The following LRRN2 variants were observed in gnomAD, a reference collection of about 807,000 sequenced individuals.
LRRN2 encodes leucine-rich repeat neuronal protein 2.
A neutral mutation model predicts 35.7 loss-of-function variants in LRRN2; 10 were observed. That is an observed-to-expected ratio of 0.28 (90% confidence interval 0.17 to 0.47). The LOEUF (loss-of-function observed/expected upper bound fraction) is 0.47. Ranked by LOEUF, LRRN2 falls within the 20% of genes least tolerant of loss-of-function variation. The pLI, the probability that LRRN2 is intolerant of heterozygous loss-of-function variation, is 0.99. For missense variants in LRRN2, 731 were observed against 940.3 expected, an observed-to-expected ratio of 0.78 and a Z score of 2.91; for synonymous variants, 391 against 409.6, an observed-to-expected ratio of 0.95 and a Z score of 0.55.
intron 1 of LRRN2, among the ~76,000 whole-genome samples, chr1:204,685,058 G>A (rs1286285815): frequency 6.6e-6 from 1 of 152,148 alleles, no homozygotes; most frequent in African/African-American, 2.4e-5. Context: ...CCAGCCCTCC[G>A]TCCCTCTGCC....
intron 1 of LRRN2, among the ~76,000 whole-genome samples, chr1:204,649,335 G>A (rs1668174879): frequency 6.6e-6 from 1 of 152,190 alleles, no homozygotes; most frequent in Admixed American, 6.5e-5. Context: ...AGAGGGCAGG[G>A]ATAGGTCTTA....
intron 1 of LRRN2, among the ~76,000 whole-genome samples, chr1:204,671,946 G>C (rs1668724285): frequency 6.6e-6 from 1 of 152,222 alleles, no homozygotes. Flanking sequence ...GTCTGGGGTA[G>C]AAGAAGCTGT....
At chr1:204,642,356 T>C (rs1337414083) in intron 1 of LRRN2, among the ~76,000 whole-genome samples, 1 of 152,154 alleles carries the variant, frequency 6.6e-6, no homozygotes, top group Non-Finnish European at 1.5e-5. Flanking sequence ...TTTTCTGTCT[T>C]CTCCAGCTTG....
intron 1 of LRRN2, among the ~76,000 whole-genome samples, chr1:204,663,010 C>T (rs183094674): frequency 2.6e-5 from 4 of 152,300 alleles, no homozygotes; most frequent in African/African-American, 7.2e-5. Context: ...GACATGGAGA[C>T]CAGAACTCAT....
At chr1:204,623,285 C>T (rs1667056733) in intron 1 of LRRN2, among the ~76,000 whole-genome samples, 1 of 152,224 alleles carries the variant, frequency 6.6e-6, no homozygotes, top group East Asian at 1.9e-4. Flanking sequence ...TGCTCAACTG[C>T]ACTGAGGGGA....
intron 1 of LRRN2, among the ~76,000 whole-genome samples, chr1:204,669,267 G>A (rs1466910038): frequency 6.6e-6 from 1 of 152,244 alleles, no homozygotes; most frequent in Admixed American, 6.5e-5. Context: ...GGGAGCAGGA[G>A]TATGGTCTTC....
rs72072762 is a variant in LRRN2, at chr1:204,660,552, GACAC to G, written c.-227+24764_-227+24767del. Among the ~76,000 whole-genome samples the G allele has an allele frequency of 6.8e-3, 968 of 143,286 alleles. 27 individuals are homozygous for G. In the East Asian group the frequency reaches 0.1, roughly 15 times the overall value. 94.0% of individuals were successfully genotyped at this position (143,286 alleles called of 152,430 possible). ...TTCTCCCTTCTCCCCGCCTTACACAGACACACACACACACACACACACACACACT... is the reference window on the plus strand; with the variant it reads ...TTCTCCCTTCTCCCCGCCTTACACAGACACACACACACACACACACACACT... On this transcript the variant is annotated intron_variant, in intron 1 of 1. Coordinates refer to ENST00000367177, the MANE Select transcript of LRRN2 (RefSeq NM_201630.2).
intron 1 of LRRN2, among the ~76,000 whole-genome samples, chr1:204,624,690 A>G (rs560095385): frequency 1.5e-4 from 23 of 149,446 alleles, no homozygotes; most frequent in African/African-American, 5.4e-4. Flanking sequence ...CCTGCCTGGT[A>G]TTGGTGGATG....
At chr1:204,683,731 G>T (rs1669003871) in intron 1 of LRRN2, among the ~76,000 whole-genome samples, 1 of 152,116 alleles carries the variant, frequency 6.6e-6, no homozygotes, top group South Asian at 2.1e-4. Flanking sequence ...AAATAATGAG[G>T]ACCCATCCCA....
chr1:204,626,384 C>T (rs554792868), intron 1 of LRRN2, among the ~76,000 whole-genome samples: 2 of 152,206 alleles, frequency 1.3e-5, no homozygotes, highest in South Asian at 4.2e-4. Flanking sequence ...CCACACTTCC[C>T]CTGACTGCCT....
In LRRN2 at chr1:204,655,010, G is replaced by T. The variant is rs375482129; in HGVS notation, c.-227+30310C>A. ...GGACTACCAGTAGCTGGGGAGCTGT[G>T]GTCTGAGTGTAGCTGTTCTGAAACT... On this transcript the variant is annotated intron_variant, in intron 1 of 1. Coordinates refer to ENST00000367177, the MANE Select transcript of LRRN2 (RefSeq NM_201630.2). 5.3e-5 allele frequency among the ~76,000 whole-genome samples: 8 copies of T among 152,328 alleles called. No individual in the cohort carries two copies. The South Asian group carries it at 1.5e-3, about 28-fold the overall frequency.
intron 1 of LRRN2, among the ~76,000 whole-genome samples, chr1:204,643,278 C>A (rs1350693927): frequency 6.6e-6 from 1 of 152,176 alleles, no homozygotes; most frequent in Non-Finnish European, 1.5e-5. Flanking sequence ...AATCTGAAGT[C>A]CTCAGTTGGA....
intron 1 of LRRN2, among the ~76,000 whole-genome samples, chr1:204,633,901 C>A (rs564273525): frequency 5.9e-4 from 90 of 152,324 alleles, no homozygotes; most frequent in Non-Finnish European, 1.1e-3. Context: ...AAGAGAACGC[C>A]CTTTCCAATC....
intron 1 of LRRN2, among the ~76,000 whole-genome samples, chr1:204,661,772 G>A (rs550513486): frequency 3.3e-5 from 5 of 152,340 alleles, no homozygotes; most frequent in Admixed American, 1.3e-4. Context: ...CATAGAGAAA[G>A]TACGGTGAGG....
At chr1:204,630,530 C>T (rs546986696) in intron 1 of LRRN2, among the ~76,000 whole-genome samples, 19 of 152,110 alleles carry the variant, frequency 1.2e-4, no homozygotes, top group Admixed American at 3.3e-4. Flanking sequence ...AGTCACGCCG[C>T]GGAAGGAGTC....
intron 1 of LRRN2, among the ~76,000 whole-genome samples, chr1:204,669,763 T>C (rs1231498033): frequency 1.3e-5 from 2 of 152,048 alleles, no homozygotes; most frequent in Admixed American, 6.5e-5. Context: ...AAGGCCAGGG[T>C]GCAGAGTGCA....
intron 1 of LRRN2, among the ~76,000 whole-genome samples, chr1:204,667,528 C>A (rs768723743): frequency 6.6e-6 from 1 of 152,196 alleles, no homozygotes; most frequent in East Asian, 1.9e-4. Flanking sequence ...CTACTACATG[C>A]GGGACACTGG....
At chr1:204,631,460 G>A (rs891288266) in intron 1 of LRRN2, among the ~76,000 whole-genome samples, 2 of 149,950 alleles carry the variant, frequency 1.3e-5, no homozygotes, top group African/African-American at 4.9e-5. Flanking sequence ...CAAATACAAA[G>A]TTATGAGGAG....
intron 1 of LRRN2, among the ~76,000 whole-genome samples, chr1:204,640,297 G>GT (rs1466503032): frequency 6.6e-6 from 1 of 152,114 alleles, no homozygotes; most frequent in Non-Finnish European, 1.5e-5. Flanking sequence ...TCCCACTCAG[G>GT]TGGGCTCCAC....
Sources: allele counts gnomAD v4.1 joint callset (sites outside exome capture counted in the v4.1 genomes callset), GRCh38; gene constraint gnomAD v4.1.1; transcripts MANE v1.5; gene names NCBI Gene and HGNC (gene_info 2026-07-23, HGNC 2026-07-21).